The following ZFYVE9 variants were observed in gnomAD, a reference collection of about 807,000 sequenced individuals.
The protein encoded by ZFYVE9 is zinc finger FYVE-type containing 9.
ZFYVE9 carries 43 observed loss-of-function variants against 126.7 expected under a neutral mutation model. That is an observed-to-expected ratio of 0.34 (90% CI 0.27 to 0.44). ZFYVE9 has a LOEUF of 0.44. Ranked by LOEUF, ZFYVE9 falls within the 20% of genes least tolerant of loss-of-function variation. ZFYVE9 has a pLI of 1.00. For synonymous variants in ZFYVE9, 521 were observed against 597.4 expected, an observed-to-expected ratio of 0.87 and a Z score of 1.87; for missense variants, 1,476 against 1,697.0, an observed-to-expected ratio of 0.87 and a Z score of 2.29.
chr1:52,251,419 A>C (rs1177890882), intron 4 of ZFYVE9, among the ~76,000 whole-genome samples: 1 of 151,546 alleles, frequency 6.6e-6, no homozygotes. Flanking sequence ...AGAGTGTTGA[A>C]TTTTGTTAAA....
rs115570638 is a variant in ZFYVE9 at position 52,222,490 on chromosome 1, G to A, written c.-37+6016G>A. On this transcript the variant is annotated intron_variant, in intron 2 of 18. Coordinates refer to ENST00000287727, the MANE Select transcript of ZFYVE9 (RefSeq NM_004799.4). ...AAGGATTGGGAACAACAGGGTGGGC[G>A]GTTTGAACTATTTGATTAATAGCCT... is the stretch of plus-strand genomic sequence containing the variant. Among the ~76,000 whole-genome samples, 608 of 152,286 alleles carry A rather than the reference G, an allele frequency of 4.0e-3. 12 individuals carry two copies. In the South Asian group the frequency reaches 0.044, roughly 11 times the overall value.
intron 4 of ZFYVE9, among the ~76,000 whole-genome samples, chr1:52,261,206 GTTTTTC>G (rs1278665454): frequency 1.3e-5 from 2 of 149,094 alleles, no homozygotes; most frequent in African/African-American, 2.5e-5. Context: ...CACTTGTATG[GTTTTTC>G]TTTTTCTTTC....
At chr1:52,219,027 G>A (rs72893958) in intron 2 of ZFYVE9, among the ~76,000 whole-genome samples, 5,546 of 152,134 alleles carry the variant, frequency 0.036, 252 homozygotes, top group African/African-American at 0.11. Context: ...GGGTTTTAGG[G>A]CGGTGCGACC....
chr1:52,159,994 CT>C (rs371581571), intron 1 of ZFYVE9, among the ~76,000 whole-genome samples: 37 of 144,956 alleles, frequency 2.6e-4, no homozygotes, highest in African/African-American at 4.5e-4. Flanking sequence ...GTCGGGGTTT[CT>C]TTTTTTTTTG....
At chr1:52,175,858 A>G (rs1644622232) in intron 1 of ZFYVE9, among the ~76,000 whole-genome samples, 1 of 151,776 alleles carries the variant, frequency 6.6e-6, no homozygotes, top group East Asian at 1.9e-4. Flanking sequence ...AGCTCCTTTA[A>G]GCACTTCTCT....
chr1:52,345,055 T>A, intron 18 of ZFYVE9, 111 bp downstream of exon 18: 1 of 1,187,006 alleles, frequency 8.4e-7, no homozygotes, highest in East Asian at 2.3e-5. Flanking sequence ...CCTTCTGGCC[T>A]GACTGGATAT....
chr1:52,336,806 G>C (rs915977895), intron 15 of ZFYVE9, among the ~76,000 whole-genome samples: 2 of 152,044 alleles, frequency 1.3e-5, no homozygotes, highest in Non-Finnish European at 2.9e-5. Context: ...AATGAGCTGG[G>C]CATGGTGGCA....
intron 1 of ZFYVE9, among the ~76,000 whole-genome samples, chr1:52,183,661 C>T (rs1248803420): frequency 1.3e-5 from 2 of 151,988 alleles, no homozygotes; most frequent in African/African-American, 4.8e-5. Flanking sequence ...TGCCACCACA[C>T]CCGGCTAATT....
intron 1 of ZFYVE9, among the ~76,000 whole-genome samples, chr1:52,179,153 T>G (rs1172438934): frequency 6.6e-6 from 1 of 151,888 alleles, no homozygotes; most frequent in East Asian, 1.9e-4. Context: ...GTGGGTAGAG[T>G]GGTTCTTAGA....
intron 13 of ZFYVE9, among the ~76,000 whole-genome samples, chr1:52,329,014 A>C (rs1421001492): frequency 6.6e-6 from 1 of 152,218 alleles, no homozygotes; most frequent in African/African-American, 2.4e-5. Flanking sequence ...AAGGAAGTAA[A>C]AGACTTGTAC....
At chr1:52,220,277 TTAA>T (rs1161164085) in intron 2 of ZFYVE9, among the ~76,000 whole-genome samples, 2 of 152,232 alleles carry the variant, frequency 1.3e-5, no homozygotes, top group African/African-American at 4.8e-5. Context: ...GGTTAGCCCC[TTAA>T]TGATGTGTGC....
intron 10 of ZFYVE9, among the ~76,000 whole-genome samples, chr1:52,282,048 C>G (rs1349119469): frequency 6.6e-6 from 1 of 151,996 alleles, no homozygotes; most frequent in Non-Finnish European, 1.5e-5. Context: ...ATCTGGTGAC[C>G]TAAATGTAAG....
At chr1:52,255,625 G>A (rs1297330072) in intron 4 of ZFYVE9, among the ~76,000 whole-genome samples, 2 of 151,892 alleles carry the variant, frequency 1.3e-5, no homozygotes, top group African/African-American at 2.4e-5. Context: ...GGATGCAGTG[G>A]CTCATGCCTG....
intron 4 of ZFYVE9, among the ~76,000 whole-genome samples, chr1:52,251,529 C>G (rs943999659): frequency 2.0e-5 from 3 of 152,010 alleles, no homozygotes; most frequent in Non-Finnish European, 4.4e-5. Flanking sequence ...GTTGAATTAT[C>G]CTTGCATTCC....
chr1:52,316,378 G>A (rs555246445), intron 13 of ZFYVE9, among the ~76,000 whole-genome samples: 9 of 150,858 alleles, frequency 6.0e-5, no homozygotes, highest in Non-Finnish European at 1.0e-4. Flanking sequence ...CCAGCTACTC[G>A]GGAGGCTGAG....
At chr1:52,255,950 TTTCTTTTCTTTTC>T (rs1645508557) in intron 4 of ZFYVE9, among the ~76,000 whole-genome samples, 1 of 118,070 alleles carries the variant, frequency 8.5e-6, no homozygotes, top group South Asian at 2.6e-4. Flanking sequence ...TTTCTTTTCT[TTTCTTTTCTTTTC>T]TTTTCTTTCT....
chr1:52,197,555 G>C (rs1234556407), intron 1 of ZFYVE9, among the ~76,000 whole-genome samples: 3 of 151,942 alleles, frequency 2.0e-5, no homozygotes, highest in Non-Finnish European at 4.4e-5. Flanking sequence ...TTTAAGATTG[G>C]GTAGAAGAGG....
intron 8 of ZFYVE9, among the ~76,000 whole-genome samples, chr1:52,275,773 C>A (rs1258741971): frequency 6.6e-6 from 1 of 152,062 alleles, no homozygotes; most frequent in Non-Finnish European, 1.5e-5. Context: ...GTCTTTCTTT[C>A]CTTCATTTTG....
chr1:52,296,770 C>G (rs1645979510), intron 12 of ZFYVE9, among the ~76,000 whole-genome samples: 1 of 151,960 alleles, frequency 6.6e-6, no homozygotes, highest in African/African-American at 2.4e-5. Context: ...TGACAATGTT[C>G]CATAGCAAGT....
Sources: allele counts gnomAD v4.1 joint callset (sites outside exome capture counted in the v4.1 genomes callset), GRCh38; gene constraint gnomAD v4.1.1; transcripts MANE v1.5; gene names NCBI Gene and HGNC (gene_info 2026-07-23, HGNC 2026-07-21).